GBF1: variants seen among roughly 807,000 people sequenced by gnomAD.
GBF1 encodes the protein Golgi-specific brefeldin A-resistance guanine nucleotide exchange factor 1.
In GBF1, 114 loss-of-function variants were observed where a neutral mutation model predicts 210.5. The ratio of observed to expected loss-of-function variants is 0.54; its 90% CI spans 0.47 to 0.63. The LOEUF (loss-of-function observed/expected upper bound fraction) is 0.63, where lower values mean the gene tolerates loss of function less well. GBF1 is among the 30% of genes least tolerant of loss of function. GBF1 has a pLI of 0.00. For missense variants in GBF1, 1,851 were observed against 2,357.7 expected, an observed-to-expected ratio of 0.79 and a Z score of 4.45; for synonymous variants, 850 against 889.2, an observed-to-expected ratio of 0.96 and a Z score of 0.78.
In GBF1 at chr10:102,369,240, A is replaced by C. The variant is rs779152201; in HGVS notation, c.3003A>C (p.Gly1001=). The change falls in exon 24 of 40, where the codon GGA becomes GGC. Residue 1001 remains glycine, a synonymous_variant. Transcript: ENST00000369983. ...ESIENLPSVF[G]SNPKAHIAAK... is the part of the protein sequence containing the mutation. The stretch of plus-strand genomic sequence containing the variant: ...TTGAGAACCTGCCCAGTGTATTTGG[A>C]AGCAACCCTAAAGCCCATATTGCAG... 6.2e-7 allele frequency: 1 copy of C among 1,613,756 alleles called. No homozygotes were observed.
Position 102,359,352 on chromosome 10 carries a change from A to G in GBF1, c.1097A>G (p.Asp366Gly). 1 of 1,611,970 alleles carries G rather than the reference A, an allele frequency of 6.2e-7. No individual in the cohort carries two copies. Among genetic ancestry groups the G allele is most frequent in the South Asian group, 1.1e-5 (1 of 91,030 alleles). Residue 366 changes from aspartate (D) to glycine (G), a missense_variant, in exon 11 of 40, where the codon GAC (aspartate) becomes GGC (glycine). Transcript: ENST00000369983. Reference protein sequence around the residue: ...EVLEECTSPADHSDSASVHDM... With the variant: ...EVLEECTSPAGHSDSASVHDM... Reference sequence around the variant, plus strand: ...TTAGAGGAGTGCACGTCCCCTGCCGACCACTCTGACTCTGCCTCTGTCCAT... The same window carrying G: ...TTAGAGGAGTGCACGTCCCCTGCCGGCCACTCTGACTCTGCCTCTGTCCAT...
At position 102,377,141 on chromosome 10, in the gene GBF1, G is replaced by T. The variant is rs372606866; in HGVS notation, c.4494+1G>T. 1 of 1,610,724 alleles carries T rather than the reference G, an allele frequency of 6.2e-7. No homozygotes were observed. Among genetic ancestry groups the T allele is most frequent in the South Asian group, 1.1e-5 (1 of 91,024 alleles). On this transcript the variant is annotated splice_donor_variant, in intron 33 of 39. Coordinates refer to ENST00000369983, the MANE Select transcript of GBF1 (RefSeq NM_001377137.1). LOFTEE classifies it high-confidence loss of function. ...GGTGTCTTTACAGGTCAGTCAGGAC[G>T]TAAGTATGGCACCCTTTACTTCCTC... is the stretch of plus-strand genomic sequence containing the variant.
chr10:102,312,423 A>G (rs529759797), intron 3 of GBF1, among the ~76,000 whole-genome samples: 62 of 152,224 alleles, frequency 4.1e-4, no homozygotes, highest in Non-Finnish European at 6.5e-4. Context: ...CTCTATGTGT[A>G]GGTTGGTTGG....
In GBF1 at chr10:102,356,175, A is replaced by G. The variant is rs2059278442; in HGVS notation, c.640-1864A>G. Among the ~76,000 whole-genome samples the G allele has an allele frequency of 3.3e-5, 5 of 152,246 alleles. No homozygotes were observed. The South Asian group carries it at 1.0e-3, about 32-fold the overall frequency. On this transcript the variant is annotated intron_variant, in intron 8 of 39. Transcript: ENST00000369983. ...TTGTGTGGTTTCTAAGCAAGGAATC[A>G]AAGATTACCCAGGTTCTGAGAGCTT...
rs528683822 is a variant in GBF1 at position 102,369,440 on chromosome 10, T to G, written c.3150+53T>G. On this transcript the variant is annotated intron_variant, in intron 24 of 39. Transcript: ENST00000369983. ...GATAACAAGGCAAGAGCTGCAACATTGTATGCTACCTGTACATAGAAGTAA... is the reference window on the plus strand; with the variant it reads ...GATAACAAGGCAAGAGCTGCAACATGGTATGCTACCTGTACATAGAAGTAA... 5.1e-5 allele frequency: 70 copies of G among 1,365,584 alleles called. No homozygotes were observed. In the South Asian group the frequency reaches 7.8e-4, roughly 15 times the overall value. 84.6% of individuals were successfully genotyped at this position (1,365,584 alleles called of 1,614,324 possible).
At chr10:102,258,227 C>T (rs1447651074) in intron 1 of GBF1, among the ~76,000 whole-genome samples, 1 of 144,568 alleles carries the variant, frequency 6.9e-6, no homozygotes, top group African/African-American at 2.6e-5. Flanking sequence ...GCGATCTTGG[C>T]TCACACAACC....
intron 4 of GBF1, among the ~76,000 whole-genome samples, chr10:102,345,845 C>A (rs763062312): frequency 6.6e-6 from 1 of 151,926 alleles, no homozygotes; most frequent in Non-Finnish European, 1.5e-5. Context: ...ATTTCCCAAA[C>A]ATTTTTATTA....
At chr10:102,348,350 T>C (rs1043423586) in intron 4 of GBF1, among the ~76,000 whole-genome samples, 4 of 152,234 alleles carry the variant, frequency 2.6e-5, no homozygotes, top group African/African-American at 9.6e-5. Context: ...TCTGAATCTA[T>C]TCTGGTTGGG....
Position 102,379,887 on chromosome 10 carries a change from ACAT to A in GBF1, c.4814_4816del (p.Ile1605del). 1 of 1,613,792 alleles carries A rather than the reference ACAT, an allele frequency of 6.2e-7. No homozygotes were observed. The highest frequency in any genetic ancestry group is 1.3e-5 in the African/African-American group (1 of 75,026). On this transcript the variant is annotated inframe_deletion, in exon 36 of 40. Transcript: ENST00000369983. ...CCTCTACTTACCAAGCTCTTGGAGAACATCAGCCCTGCAGATGTGGGTGGGATG... is the reference window on the plus strand; with the variant it reads ...CCTCTACTTACCAAGCTCTTGGAGAACAGCCCTGCAGATGTGGGTGGGATG...
In GBF1 at chr10:102,369,195, T is replaced by G. The variant is rs1475628971; in HGVS notation, c.2974-16T>G. 1.9e-6 allele frequency: 3 copies of G among 1,595,046 alleles called. No individual in the cohort carries two copies. Among genetic ancestry groups the G allele is most frequent in the Non-Finnish European group, 2.6e-6 (3 of 1,163,106 alleles). ...CATTAGCTCGGCCTTAAGTCTGTTC[T>G]CTTCCTCTTTTCCAGTCTATTGAGA... On this transcript the variant is annotated splice_polypyrimidine_tract_variant and intron_variant, in intron 23 of 39. Transcript: ENST00000369983.
At chr10:102,262,179 A>G (rs2073321773) in intron 3 of GBF1, among the ~76,000 whole-genome samples, 1 of 152,192 alleles carries the variant, frequency 6.6e-6, no homozygotes, top group African/African-American at 2.4e-5. Flanking sequence ...AATTTCACTC[A>G]ATTGAAACAG....
At chr10:102,275,173 C>G (rs1231195830) in intron 3 of GBF1, among the ~76,000 whole-genome samples, 1 of 152,082 alleles carries the variant, frequency 6.6e-6, no homozygotes, top group Admixed American at 6.6e-5. Context: ...ATTTTAGTAG[C>G]TGTTTACCTT....
chr10:102,261,885 G>A (rs2073280862), intron 3 of GBF1, among the ~76,000 whole-genome samples: 1 of 151,818 alleles, frequency 6.6e-6, no homozygotes, highest in South Asian at 2.1e-4. Context: ...GCCTCCTAAA[G>A]TGCTAGGATT....
chr10:102,235,584 C>A, the GBF1 span, among the ~76,000 whole-genome samples: 1 of 152,178 alleles, frequency 6.6e-6, no homozygotes, highest in Non-Finnish European at 1.5e-5. Context: ...AAAACATAAA[C>A]ATGTAAATAT....
rs570248066 is a variant in GBF1, at chr10:102,376,405, C to T, written c.4020C>T (p.Ala1340=). Residue 1340 remains alanine (A), a synonymous_variant, in exon 31 of 40, where the codon GCC becomes GCT. Transcript: ENST00000369983. ...AGATACACCGATCAGCCACAGATGC[C>T]GATGTGGTCAACAGTGGTTGGTTAG... is the stretch of plus-strand genomic sequence containing the variant. The part of the protein sequence containing the change: ...PGKIHRSATD[A]DVVNSGWLVV... 6 of 1,614,012 alleles carry T rather than the reference C, an allele frequency of 3.7e-6. No homozygotes were observed. The highest frequency in any genetic ancestry group is 3.3e-5 in the Admixed American group (2 of 60,000).
chr10:102,328,242 T>G (rs2057050934), intron 3 of GBF1, among the ~76,000 whole-genome samples: 1 of 152,176 alleles, frequency 6.6e-6, no homozygotes, highest in South Asian at 2.1e-4. Context: ...CCTATAATCC[T>G]AGCACTTTGG....
intron 4 of GBF1, among the ~76,000 whole-genome samples, chr10:102,344,731 T>C (rs1005759954): frequency 2.0e-5 from 3 of 152,046 alleles, no homozygotes; most frequent in Admixed American, 6.6e-5. Context: ...CTGCCCGCCT[T>C]GGCCTCCCAA....
chr10:102,262,045 T>C (rs1005104400), intron 3 of GBF1, among the ~76,000 whole-genome samples: 8 of 152,216 alleles, frequency 5.3e-5, no homozygotes, highest in Middle Eastern at 6.3e-3. Context: ...CCACTATGCC[T>C]GGCTAATTTT....
At chr10:102,380,140 C>G in intron 36 of GBF1, 109 bp from the exon 37 acceptor site, 1 of 808,670 alleles carries the variant, frequency 1.2e-6, no homozygotes, top group Non-Finnish European at 2.2e-6. Flanking sequence ...TCCTCCATCT[C>G]TGATCTAAGA....
Sources: allele counts gnomAD v4.1 joint callset (sites outside exome capture counted in the v4.1 genomes callset), GRCh38; gene constraint gnomAD v4.1.1; transcripts MANE v1.5; gene names NCBI Gene and HGNC (gene_info 2026-07-23, HGNC 2026-07-21).